Variants in KCNT1 observed in about 807,000 individuals in gnomAD.
KCNT1 encodes potassium sodium-activated channel subfamily T member 1, also known as potassium channel subfamily T member 1.
In KCNT1, 78 loss-of-function variants were observed where a neutral mutation model predicts 147.8. The ratio of observed to expected loss-of-function variants is 0.53; its 90% CI spans 0.44 to 0.64. KCNT1 has a LOEUF of 0.64. KCNT1 is among the 30% of genes least tolerant of loss of function. KCNT1 has a pLI of 0.00. For synonymous variants in KCNT1, 867 were observed against 748.8 expected (o/e 1.16, Z -2.58); for missense variants, 1,419 against 1,750.3 (o/e 0.81, Z 3.38).
chr9:135,729,329 G>A (rs1720224109), intron 2 of KCNT1, among the ~76,000 whole-genome samples: 1 of 152,236 alleles, frequency 6.6e-6, no homozygotes, highest in Non-Finnish European at 1.5e-5. Context: ...AGGTGGCCCT[G>A]GGGAGCTGAG....
chr9:135,749,957 G>A lies in KCNT1; in HGVS notation c.255-141G>A, dbSNP rs1329746325. The A allele has an allele frequency of 3.7e-5, 25 of 672,452 alleles. No homozygotes were observed. The South Asian group carries it at 4.2e-4, about 11-fold the overall frequency. 41.7% of individuals were successfully genotyped at this position (672,452 alleles called of 1,614,324 possible). On this transcript the variant is annotated intron_variant, in intron 2 of 30. Transcript: ENST00000371757. ...GGACCCTCCTGGGTCTGAGGTGGAG[G>A]GAGTGGTCCTGCTGGGCCCTGACTT...
In KCNT1 at chr9:135,784,189, C is replaced by T. The variant is rs1229533192; in HGVS notation, c.2943+64C>T. On this transcript the variant is annotated intron_variant, in intron 25 of 30. Coordinates refer to ENST00000371757, the MANE Select transcript of KCNT1 (RefSeq NM_020822.3). ...TGGGACCCCCGTCATGCCCTCAGCT[C>T]TTCAGCCTGGTCCCTGTTCTGAATG... The T allele has an allele frequency of 3.9e-6, 5 of 1,267,498 alleles. No individual in the cohort carries two copies. In the African/African-American group the frequency reaches 7.3e-5, roughly 19 times the overall value. 78.5% of individuals were successfully genotyped at this position (1,267,498 alleles called of 1,614,324 possible).
chr9:135,707,803 G>A (rs1009995836), intron 1 of KCNT1, among the ~76,000 whole-genome samples: 7 of 152,174 alleles, frequency 4.6e-5, no homozygotes, highest in Non-Finnish European at 8.8e-5. Flanking sequence ...TCTTCCCGCC[G>A]GGCTGGGAGA....
rs1020317170 is a variant in KCNT1, at chr9:135,752,728, AGATGGATG to A, written c.435-1198_435-1191del. 6.7e-6 allele frequency among the ~76,000 whole-genome samples: 1 copy of A among 148,846 alleles called. No individual in the cohort carries two copies. The highest frequency in any genetic ancestry group is 2.5e-5 in the African/African-American group (1 of 39,970). On this transcript the variant is annotated intron_variant, in intron 4 of 30. Coordinates refer to ENST00000371757, the MANE Select transcript of KCNT1 (RefSeq NM_020822.3). This position sits in a 1 kb window ranked among gnomAD's most constrained non-coding sequence, Gnocchi z 5.1. Reference sequence around the variant, plus strand: ...ATGGATAGGTGGATGCATGGTGGGTAGATGGATGGATGGATGGAATAGATGGATGGAGG... The same window carrying A: ...ATGGATAGGTGGATGCATGGTGGGTAGATGGATGGAATAGATGGATGGAGG...
rs1008768892 is a variant in KCNT1 at position 135,795,040 on chromosome 9, C to T, written c.*2879C>T. The T allele has an allele frequency of 1.1e-4, 16 of 152,220 alleles. No individual in the cohort carries two copies. Among genetic ancestry groups the T allele is most frequent in the African/African-American group, 3.4e-4 (14 of 41,534 alleles). 9.4% of individuals were successfully genotyped at this position (152,220 alleles called of 1,614,324 possible). On this transcript the variant is annotated 3_prime_UTR_variant, in exon 31 of 31. Transcript: ENST00000371757. ...GAAAAGAATTTTTTTTAATGTTTTA[C>T]GGTAGAATTATTTGAAACATACAAA...
Position 135,768,691 on chromosome 9 carries a change from C to T in KCNT1, c.1401+18C>T. 3.2e-6 allele frequency: 5 copies of T among 1,548,974 alleles called. No homozygotes were observed. The highest frequency in any genetic ancestry group is 4.4e-6 in the Non-Finnish European group (5 of 1,145,932). The stretch of plus-strand genomic sequence containing the variant: ...CGGCTGCAGTGAGTGAGGCTGAGGC[C>T]CTGCCCAGGCGGGAGGGGCACCGTG... On this transcript the variant is annotated intron_variant, in intron 14 of 30. Coordinates refer to ENST00000371757, the MANE Select transcript of KCNT1 (RefSeq NM_020822.3).
chr9:135,731,974 A>ATATATG (rs2131362479), intron 2 of KCNT1, among the ~76,000 whole-genome samples: 2 of 34,700 alleles, frequency 5.8e-5, no homozygotes, highest in African/African-American at 2.1e-4. Flanking sequence ...ATATATATAT[A>ATATATG]TATATATATA....
chr9:135,743,582 G>C (rs1830667745), intron 2 of KCNT1, among the ~76,000 whole-genome samples: 1 of 152,224 alleles, frequency 6.6e-6, no homozygotes, highest in African/African-American at 2.4e-5. Flanking sequence ...CCATGGTGCA[G>C]AGGGTGACGG....
intron 2 of KCNT1, among the ~76,000 whole-genome samples, chr9:135,740,479 C>T (rs1361618467): frequency 6.6e-6 from 1 of 152,234 alleles, no homozygotes; most frequent in Non-Finnish European, 1.5e-5. Context: ...CCCTCCCTCT[C>T]GAGGCTGGCA....
chr9:135,786,541 G>T lies in KCNT1; in HGVS notation c.3502+20G>T, dbSNP rs760582544. 3 of 1,562,850 alleles carry T rather than the reference G, an allele frequency of 1.9e-6. No homozygotes were observed. Among genetic ancestry groups the T allele is most frequent in the Non-Finnish European group, 2.6e-6 (3 of 1,159,342 alleles). ...GCTACGGTAAGGGCACACGGCGCGG[G>T]TGGGGGCCGGACGGACGGACTGGGC... is the stretch of plus-strand genomic sequence containing the variant. On this transcript the variant is annotated intron_variant, in intron 29 of 30. Transcript: ENST00000371757.
In KCNT1 at chr9:135,742,887, T is replaced by TG. The variant is rs36102040; in HGVS notation, c.255-7205dup. On this transcript the variant is annotated intron_variant, in intron 2 of 30. Coordinates refer to ENST00000371757, the MANE Select transcript of KCNT1 (RefSeq NM_020822.3). Reference sequence around the variant, plus strand: ...TTAGAGGTGTGAGAGCCCTTGTTTCTGGGGGGTCCCCTCAACCCAGCATCC... The same window carrying TG: ...TTAGAGGTGTGAGAGCCCTTGTTTCTGGGGGGGTCCCCTCAACCCAGCATCC... 6.3e-5 allele frequency: 45 copies of TG among 709,450 alleles called. 1 individual carries two copies. The highest frequency in any genetic ancestry group is 3.1e-4 in the South Asian group (21 of 66,876). The allele number at this position is 709,450 out of a possible 1,614,324, so 43.9% of individuals were successfully genotyped here. A position where few individuals can be genotyped will look rare whatever the true frequency, so the allele number is the denominator to read the frequency against.
At chr9:135,770,232 C>A (rs1226902446) in intron 16 of KCNT1, 66 bp from the exon 17 acceptor site, 5 of 1,534,084 alleles carry the variant, frequency 3.3e-6, no homozygotes, top group Non-Finnish European at 3.5e-6. Flanking sequence ...ACCTGCAGAC[C>A]CAGCCGGGGA....
chr9:135,751,141 T>G, intron 4 of KCNT1, 100 bp downstream of exon 4: 1 of 1,118,162 alleles, frequency 8.9e-7, no homozygotes, highest in South Asian at 1.3e-5. Context: ...GGGGAGCCCC[T>G]GTGCCTGGGG....
At chr9:135,760,293 C>G (rs1028852894) in intron 11 of KCNT1, among the ~76,000 whole-genome samples, 7 of 152,320 alleles carry the variant, frequency 4.6e-5, no homozygotes, top group African/African-American at 1.7e-4. Flanking sequence ...TGGCCCACTG[C>G]CCACTGAGCA....
chr9:135,736,895 G>A (rs1473217100), intron 2 of KCNT1: 1 of 283,788 alleles, frequency 3.5e-6, no homozygotes, highest in Non-Finnish European at 6.6e-6. Flanking sequence ...GGGAAGGGGG[G>A]AGGCCAGGGT....
intron 29 of KCNT1, chr9:135,788,224 G>T: frequency 7.2e-7 from 1 of 1,392,742 alleles, no homozygotes; most frequent in South Asian, 1.2e-5. Flanking sequence ...CTTCACCGCC[G>T]GCAGCCTTGC....
chr9:135,759,098 C>G (rs996620122), intron 10 of KCNT1, among the ~76,000 whole-genome samples: 1 of 152,232 alleles, frequency 6.6e-6, no homozygotes, highest in Non-Finnish European at 1.5e-5. Flanking sequence ...TCATGACAGA[C>G]TGACAGACAC....
Position 135,749,825 on chromosome 9 carries a change from C to A in KCNT1, c.255-273C>A, listed in dbSNP as rs181865368. On this transcript the variant is annotated intron_variant, in intron 2 of 30. Transcript: ENST00000371757. ...TGCCGCACCCTGAGCCCCAACAGGG[C>A]GGCCTGGAGGGCCCAGACTCACAGC... 2.3e-3 allele frequency among the ~76,000 whole-genome samples: 358 copies of A among 152,346 alleles called. 1 individual carries two copies. The highest frequency in any genetic ancestry group is 8.2e-3 in the African/African-American group (343 of 41,582).
Position 135,757,195 on chromosome 9 carries a change from C to G in KCNT1, c.640C>G (p.Leu214Val). The G allele has an allele frequency of 6.2e-7, 1 of 1,611,338 alleles. No homozygotes were observed. The highest frequency in any genetic ancestry group is 8.5e-7 in the Non-Finnish European group (1 of 1,179,484). Residue 214 changes from leucine (L) to valine (V), a missense_variant, in exon 8 of 31, where the codon CTG (leucine) becomes GTG (valine). Around this residue, in one of 5 missense-constraint regions of KCNT1, gnomAD observed 401 missense variants for 610.6 expected, o/e 0.66. Coordinates refer to ENST00000371757, the MANE Select transcript of KCNT1 (RefSeq NM_020822.3). ...WEQIFRVSFVLEMINTLPFII... is the reference protein window; with the variant it reads ...WEQIFRVSFVVEMINTLPFII... ...GCAGATCTTCCGCGTGTCCTTCGTC[C>G]TGGAGATGATCAACACTCTGCCCTT...
Sources: gnomAD v4.1 joint callset for allele counts (sites outside exome capture counted in the v4.1 genomes callset) on GRCh38, gnomAD v4.1.1 for gene constraint, gnomAD v4.1.1 regional missense constraint, Gnocchi (gnomAD v3.1) non-coding constraint, MANE v1.5 for transcripts, NCBI Gene and HGNC (gene_info 2026-07-23, HGNC 2026-07-21) for gene names.